SGCZ: variants seen among roughly 807,000 people sequenced by gnomAD.
SGCZ encodes the protein zeta-sarcoglycan.
In SGCZ, 40 loss-of-function variants were observed where a neutral mutation model predicts 41.3. The observed-to-expected ratio is 0.97, with a 90% CI of 0.75 to 1.26. The LOEUF (loss-of-function observed/expected upper bound fraction) is 1.26, where lower values mean the gene tolerates loss of function less well. Ranked by LOEUF, SGCZ falls within the 50% of genes most tolerant of loss-of-function variation. SGCZ has a pLI of 0.00. For synonymous variants in SGCZ, 206 were observed against 137.5 expected, an observed-to-expected ratio of 1.50 and a Z score of -3.49; for missense variants, 552 against 369.8, an observed-to-expected ratio of 1.49 and a Z score of -4.04.
chr8:14,876,186 G>A (rs1804351156), intron 1 of SGCZ, among the ~76,000 whole-genome samples: 1 of 152,054 alleles, frequency 6.6e-6, no homozygotes, highest in African/African-American at 2.4e-5. Flanking sequence ...TCAATACATT[G>A]CCCATACTTT....
At chr8:14,109,416 G>C (rs1179676978) in intron 5 of SGCZ, among the ~76,000 whole-genome samples, 1 of 152,074 alleles carries the variant, frequency 6.6e-6, no homozygotes. Context: ...CTGTAATTTT[G>C]CATAAATGTC....
At chr8:15,172,201 G>A (rs1405067753) in intron 1 of SGCZ, among the ~76,000 whole-genome samples, 3 of 112,706 alleles carry the variant, frequency 2.7e-5, no homozygotes, top group South Asian at 2.8e-4. Flanking sequence ...TCGCTCTGTC[G>A]CCCAGGCTGG....
intron 2 of SGCZ, among the ~76,000 whole-genome samples, chr8:14,484,221 C>G (rs547337007): frequency 1.2e-4 from 18 of 152,072 alleles, no homozygotes; most frequent in African/African-American, 4.1e-4. Flanking sequence ...AAATGTAATT[C>G]TGATATTTTT....
chr8:14,864,684 T>G (rs546635227), intron 1 of SGCZ, among the ~76,000 whole-genome samples: 8 of 152,280 alleles, frequency 5.3e-5, no homozygotes, highest in Non-Finnish European at 1.0e-4. Flanking sequence ...TGAAGACTTC[T>G]TAAACTGTAG....
At chr8:14,681,633 C>A (rs1254372830) in intron 1 of SGCZ, among the ~76,000 whole-genome samples, 1 of 152,048 alleles carries the variant, frequency 6.6e-6, no homozygotes, top group Non-Finnish European at 1.5e-5. Context: ...ACGCATAATC[C>A]TAAAATGAGA....
chr8:14,190,873 A>T (rs1320397787), intron 4 of SGCZ, among the ~76,000 whole-genome samples: 1 of 152,160 alleles, frequency 6.6e-6, no homozygotes, highest in Non-Finnish European at 1.5e-5. Context: ...AAGTGCTGGG[A>T]TTACAGGCAT....
intron 5 of SGCZ, among the ~76,000 whole-genome samples, chr8:14,154,799 A>C (rs1803827213): frequency 6.6e-6 from 1 of 152,126 alleles, no homozygotes; most frequent in South Asian, 2.1e-4. Flanking sequence ...AAGGAAACGG[A>C]GGTACATGGA....
chr8:14,834,460 G>A (rs145704486), intron 1 of SGCZ, among the ~76,000 whole-genome samples: 59 of 152,236 alleles, frequency 3.9e-4, no homozygotes, highest in Middle Eastern at 3.4e-3. Context: ...ACTGAATGAG[G>A]TCCCTCCTTA....
chr8:14,991,440 A>G (rs757461940), intron 1 of SGCZ, among the ~76,000 whole-genome samples: 1 of 152,188 alleles, frequency 6.6e-6, no homozygotes, highest in Non-Finnish European at 1.5e-5. Context: ...TGAGATGCCC[A>G]GGATAAAGAC....
chr8:14,976,097 A>T (rs2130872152), intron 1 of SGCZ, among the ~76,000 whole-genome samples: 1 of 150,664 alleles, frequency 6.6e-6, no homozygotes, highest in East Asian at 2.0e-4. Flanking sequence ...ATCTTCACTC[A>T]CTGTAACCTC....
intron 1 of SGCZ, among the ~76,000 whole-genome samples, chr8:15,040,352 C>T (rs556525337): frequency 6.6e-6 from 1 of 152,260 alleles, no homozygotes; most frequent in South Asian, 2.1e-4. Flanking sequence ...AGGTGGCTCA[C>T]GCCTGTAATC....
chr8:14,896,710 C>T lies in SGCZ; in HGVS notation c.39+340875G>A, dbSNP rs561315961. 6.9e-4 allele frequency among the ~76,000 whole-genome samples: 105 copies of T among 152,112 alleles called. 2 individuals are homozygous for T. In the South Asian group the frequency reaches 0.021, roughly 31 times the overall value. On this transcript the variant is annotated intron_variant, in intron 1 of 7. Coordinates refer to ENST00000382080, the MANE Select transcript of SGCZ (RefSeq NM_139167.4). The stretch of plus-strand genomic sequence containing the variant: ...CAAGGTAGTCTCGAACTCCTGACCT[C>T]CAGTGATAAACCTGCCTCGGCCTCC...
chr8:14,962,017 A>T (rs1043100893), intron 1 of SGCZ, among the ~76,000 whole-genome samples: 2 of 152,172 alleles, frequency 1.3e-5, no homozygotes, highest in Non-Finnish European at 2.9e-5. Context: ...TCATTTTCCA[A>T]TTAATCTGAA....
chr8:14,238,791 C>G (rs1806860794), intron 3 of SGCZ, among the ~76,000 whole-genome samples: 2 of 151,932 alleles, frequency 1.3e-5, no homozygotes, highest in South Asian at 4.2e-4. Flanking sequence ...AAAACTTGCC[C>G]TCTTGGTGCT....
At chr8:14,204,467 C>T (rs747202143) in intron 4 of SGCZ, among the ~76,000 whole-genome samples, 14 of 152,086 alleles carry the variant, frequency 9.2e-5, no homozygotes, top group Non-Finnish European at 1.8e-4. Flanking sequence ...CCATTGTTGA[C>T]CTGCCTTGAA....
chr8:14,388,281 A>G (rs1804643276), intron 2 of SGCZ, among the ~76,000 whole-genome samples: 1 of 152,168 alleles, frequency 6.6e-6, no homozygotes, highest in African/African-American at 2.4e-5. Context: ...AGTTGCAGCC[A>G]TGTGGAACAG....
intron 1 of SGCZ, among the ~76,000 whole-genome samples, chr8:14,601,502 G>A (rs936539684): frequency 1.3e-5 from 2 of 152,104 alleles, no homozygotes; most frequent in African/African-American, 4.8e-5. Flanking sequence ...TGACTGTAAA[G>A]TTGATCTTTT....
At chr8:15,002,908 T>TG (rs1802479131) in intron 1 of SGCZ, among the ~76,000 whole-genome samples, 1 of 152,026 alleles carries the variant, frequency 6.6e-6, no homozygotes, top group East Asian at 1.9e-4. Flanking sequence ...ATCATGGGGT[T>TG]GGGTCTTTCT....
chr8:14,568,142 C>A (rs893915733), intron 1 of SGCZ, among the ~76,000 whole-genome samples: 16 of 151,956 alleles, frequency 1.1e-4, no homozygotes, highest in African/African-American at 3.9e-4. Flanking sequence ...GAACAGAAAA[C>A]CAAACACCGC....
Sources: allele counts gnomAD v4.1 joint callset (sites outside exome capture counted in the v4.1 genomes callset), GRCh38; gene constraint gnomAD v4.1.1; transcripts MANE v1.5; gene names NCBI Gene and HGNC (gene_info 2026-07-23, HGNC 2026-07-21).